CSGALNACT1: variants seen among roughly 807,000 people sequenced by gnomAD.
The protein encoded by CSGALNACT1 is beta4GalNAcT-1.
Under a neutral mutation model 51.0 loss-of-function variants are expected in CSGALNACT1, and 52 were observed. The ratio of observed to expected loss-of-function variants is 1.02; its 90% CI spans 0.82 to 1.29. The LOEUF is 1.29. CSGALNACT1 is among the 50% of genes most tolerant of loss of function. CSGALNACT1 has a pLI of 0.00. For missense variants in CSGALNACT1, 935 were observed against 679.2 expected (o/e 1.38, Z -4.19); for synonymous variants, 341 against 254.4 (o/e 1.34, Z -3.24).
At chr8:19,528,256 C>T (rs945360457) in intron 3 of CSGALNACT1, among the ~76,000 whole-genome samples, 11 of 151,454 alleles carry the variant, frequency 7.3e-5, no homozygotes, top group Middle Eastern at 3.4e-3. Context: ...TTTTCCGACT[C>T]GTTCAGGACT....
chr8:19,530,252 C>CA (rs1044203656), intron 3 of CSGALNACT1, among the ~76,000 whole-genome samples: 5 of 131,890 alleles, frequency 3.8e-5, no homozygotes, highest in Non-Finnish European at 4.9e-5. Flanking sequence ...CAAAACAAAA[C>CA]AAAAAAAATT....
At chr8:19,493,111 C>G (rs1040547106) in intron 4 of CSGALNACT1, among the ~76,000 whole-genome samples, 1 of 151,040 alleles carries the variant, frequency 6.6e-6, no homozygotes, top group South Asian at 2.1e-4. Flanking sequence ...TTATTAAACA[C>G]TTTTGTGAAA....
chr8:19,644,568 G>T (rs1589234759), intron 1 of CSGALNACT1, among the ~76,000 whole-genome samples: 1 of 151,356 alleles, frequency 6.6e-6, no homozygotes, highest in South Asian at 2.1e-4. Flanking sequence ...AAATTAGCTG[G>T]GCATAGTGGC....
At chr8:19,725,096 G>C (rs1315518713) in intron 1 of CSGALNACT1, among the ~76,000 whole-genome samples, 1 of 152,162 alleles carries the variant, frequency 6.6e-6, no homozygotes, top group Non-Finnish European at 1.5e-5. Flanking sequence ...CTGATGCAGG[G>C]TTCATCCTTA....
intron 7 of CSGALNACT1, among the ~76,000 whole-genome samples, chr8:19,419,629 A>G (rs147735133): frequency 1.8e-4 from 27 of 152,242 alleles, no homozygotes; most frequent in African/African-American, 6.5e-4. Flanking sequence ...TAACTGCCCA[A>G]AGGTACTCCT....
intron 3 of CSGALNACT1, among the ~76,000 whole-genome samples, chr8:19,547,137 A>C (rs2086662501): frequency 6.6e-6 from 1 of 152,188 alleles, no homozygotes. Context: ...AGGCCAGGAC[A>C]CGAAGGGCTC....
intron 1 of CSGALNACT1, among the ~76,000 whole-genome samples, chr8:19,705,386 T>C (rs1430389610): frequency 6.6e-6 from 1 of 152,200 alleles, no homozygotes; most frequent in Non-Finnish European, 1.5e-5. Flanking sequence ...ATCCATTCAA[T>C]GACATGTTTT....
intron 3 of CSGALNACT1, among the ~76,000 whole-genome samples, chr8:19,525,190 T>A (rs937474039): frequency 6.6e-6 from 1 of 152,186 alleles, no homozygotes; most frequent in Non-Finnish European, 1.5e-5. Context: ...GCCAAATTGA[T>A]GAAAAACTAA....
chr8:19,651,609 G>T (rs549021592), intron 1 of CSGALNACT1, among the ~76,000 whole-genome samples: 1 of 151,054 alleles, frequency 6.6e-6, no homozygotes, highest in East Asian at 2.0e-4. Flanking sequence ...TTTTTTTATG[G>T]ATGCACTGTA....
At chr8:19,551,045 C>A (rs1273988561) in intron 3 of CSGALNACT1, among the ~76,000 whole-genome samples, 1 of 152,148 alleles carries the variant, frequency 6.6e-6, no homozygotes, top group Admixed American at 6.5e-5. Flanking sequence ...TGTCTTCTGG[C>A]AGAGCTTGTG....
rs182795216 is a variant in CSGALNACT1, at chr8:19,742,590, C to T, written c.-297+15260G>A. Among the ~76,000 whole-genome samples the T allele has an allele frequency of 4.6e-5, 7 of 152,344 alleles. No individual in the cohort carries two copies. In the East Asian group the frequency reaches 1.3e-3, roughly 29 times the overall value. On this transcript the variant is annotated intron_variant, in intron 1 of 1. Transcript: ENST00000517494. ...GCCCTCTCTGACTAGCTACTGAACCCTGAAATTCTCAAAGGCTGCCCTGGG... is the reference window on the plus strand; with the variant it reads ...GCCCTCTCTGACTAGCTACTGAACCTTGAAATTCTCAAAGGCTGCCCTGGG...
At chr8:19,680,424 C>G (rs902505779) in intron 1 of CSGALNACT1, among the ~76,000 whole-genome samples, 3 of 151,832 alleles carry the variant, frequency 2.0e-5, no homozygotes, top group African/African-American at 7.3e-5. Context: ...GGTGTGGTGG[C>G]GGGTGCCTGT....
chr8:19,415,060 C>T (rs2056601951), intron 8 of CSGALNACT1, among the ~76,000 whole-genome samples: 2 of 152,192 alleles, frequency 1.3e-5, no homozygotes, highest in Non-Finnish European at 2.9e-5. Context: ...CGTCAGTTCT[C>T]ATCTAGATCC....
intron 1 of CSGALNACT1, among the ~76,000 whole-genome samples, chr8:19,666,809 A>AAAAGAG: frequency 4.0e-5 from 1 of 25,106 alleles, no homozygotes; most frequent in South Asian, 1.4e-3. Flanking sequence ...GAAAGAAAGA[A>AAAAGAG]AGAGAGAGAG....
chr8:19,568,797 T>C (rs1345118032), intron 3 of CSGALNACT1, among the ~76,000 whole-genome samples: 1 of 152,210 alleles, frequency 6.6e-6, no homozygotes, highest in African/African-American at 2.4e-5. Flanking sequence ...GCCATTTCCA[T>C]AGCTCCCTGT....
chr8:19,691,329 T>C (rs1200073275), intron 1 of CSGALNACT1, among the ~76,000 whole-genome samples: 2 of 152,094 alleles, frequency 1.3e-5, no homozygotes, highest in African/African-American at 4.8e-5. Flanking sequence ...GGCTTCTAGA[T>C]CTCACTGTTT....
chr8:19,407,905 T>TTGTGTGTGTGTGTGTGTG (rs60746708), intron 9 of CSGALNACT1, among the ~76,000 whole-genome samples: 1 of 112,722 alleles, frequency 8.9e-6, no homozygotes, highest in African/African-American at 3.2e-5. Flanking sequence ...TGTATATGAA[T>TTGTGTGTGTGTGTGTGTG]TGTGTGTGTG....
chr8:19,428,263 G>C (rs2059090739), intron 6 of CSGALNACT1, among the ~76,000 whole-genome samples: 1 of 152,154 alleles, frequency 6.6e-6, no homozygotes, highest in South Asian at 2.1e-4. Context: ...ACATATCGAA[G>C]ACTGGGTAAT....
At chr8:19,655,576 A>G (rs2058195317) in intron 1 of CSGALNACT1, among the ~76,000 whole-genome samples, 1 of 126,076 alleles carries the variant, frequency 7.9e-6, no homozygotes, top group Non-Finnish European at 1.7e-5. Flanking sequence ...ACACACACAC[A>G]CACATATATA....
Sources: allele counts gnomAD v4.1 joint callset (sites outside exome capture counted in the v4.1 genomes callset), GRCh38; gene constraint gnomAD v4.1.1; transcripts MANE v1.5; gene names NCBI Gene and HGNC (gene_info 2026-07-23, HGNC 2026-07-21).